Variants in NPTX2 observed in about 807,000 individuals in gnomAD.
NPTX2 encodes the protein neuronal pentraxin-2.
NPTX2 carries 23 observed loss-of-function variants against 38.1 expected under a neutral mutation model. The observed-to-expected ratio is 0.60, with a 90% CI of 0.43 to 0.85. The LOEUF is 0.85. NPTX2 is among the 40% of genes least tolerant of loss of function. The pLI is 0.00. For synonymous variants in NPTX2, 291 were observed against 287.3 expected (o/e 1.01, Z -0.13); for missense variants, 553 against 615.3 (o/e 0.90, Z 1.07).
intron 2 of NPTX2, chr7:98,620,149 A>T (rs1791250601): frequency 2.2e-6 from 1 of 454,362 alleles, no homozygotes; most frequent in Admixed American, 3.4e-5. Context: ...GATTCTGTGT[A>T]TCTTTCTCTT....
chr7:98,624,040 A>C (rs2115623740), intron 2 of NPTX2, among the ~76,000 whole-genome samples: 1 of 152,318 alleles, frequency 6.6e-6, no homozygotes, highest in South Asian at 2.1e-4. Flanking sequence ...AGCTCACTGC[A>C]GCCTGGACCT....
chr7:98,618,740 T>C (rs1791224886), intron 1 of NPTX2, among the ~76,000 whole-genome samples: 1 of 151,950 alleles, frequency 6.6e-6, no homozygotes. Flanking sequence ...CTGCTGTTAA[T>C]AGCCTTTGTG....
At position 98,627,194 on chromosome 7, in the gene NPTX2, C is replaced by T. The variant is rs111647973; in HGVS notation, c.918C>T (p.Asp306=). The change falls in exon 4 of 5, where the codon GAC becomes GAT. Residue 306 remains aspartate, a synonymous_variant. Transcript: ENST00000265634. ...KVAQLPLFVS[D]GKWHHICVTW... ...CGCAGCTGCCCCTGTTTGTCAGTGACGGCAAGTGGCACCACATCTGTGTCA... is the reference window on the plus strand; with the variant it reads ...CGCAGCTGCCCCTGTTTGTCAGTGATGGCAAGTGGCACCACATCTGTGTCA... 61 of 1,613,506 alleles carry T rather than the reference C, an allele frequency of 3.8e-5. No homozygotes were observed. The highest frequency in any genetic ancestry group is 6.7e-5 in the African/African-American group (5 of 75,038).
In NPTX2 at chr7:98,617,710, C is replaced by T; in HGVS notation, c.249C>T (p.Ala83=). The change falls in exon 1 of 5, where the codon GCC becomes GCT. Residue 83 remains alanine (A), a synonymous_variant. Coordinates refer to ENST00000265634, the MANE Select transcript of NPTX2 (RefSeq NM_002523.3). ...QKETLGAQRE[A]IRELTGKLAR... ...AGACGCTGGGCGCGCAGCGCGAGGC[C>T]ATCCGCGAGCTCACGGGCAAGCTAG... 1 of 1,434,826 alleles carries T rather than the reference C, an allele frequency of 7.0e-7. No individual in the cohort carries two copies. The highest frequency in any genetic ancestry group is 1.5e-5 in the South Asian group (1 of 68,770). The allele number at this position is 1,434,826 out of a possible 1,614,324, so 88.9% of individuals were successfully genotyped here. A position where few individuals can be genotyped will look rare whatever the true frequency, so the allele number is the denominator to read the frequency against.
At position 98,621,062 on chromosome 7, in the gene NPTX2, G is replaced by A. The variant is rs532506722; in HGVS notation, c.643+1203G>A. ...GGAGGGGGCCCAAAGTGGGTCCTGG[G>A]CCACTAGCTGGCAAACAGTGACAGT... On this transcript the variant is annotated intron_variant, in intron 2 of 4. Coordinates refer to ENST00000265634, the MANE Select transcript of NPTX2 (RefSeq NM_002523.3). 2.4e-4 allele frequency among the ~76,000 whole-genome samples: 36 copies of A among 152,200 alleles called. No individual in the cohort carries two copies. In the South Asian group the frequency reaches 7.1e-3, roughly 30 times the overall value.
intron 2 of NPTX2, among the ~76,000 whole-genome samples, chr7:98,621,606 T>G (rs931769551): frequency 6.6e-6 from 1 of 152,194 alleles, no homozygotes; most frequent in Non-Finnish European, 1.5e-5. Flanking sequence ...GATGCCAAGT[T>G]TCTTAGACAC....
At chr7:98,622,898 C>T (rs1791292138) in intron 2 of NPTX2, among the ~76,000 whole-genome samples, 1 of 152,192 alleles carries the variant, frequency 6.6e-6, no homozygotes, top group Non-Finnish European at 1.5e-5. Context: ...CTGCCTGTTC[C>T]AGAGAGGTTA....
chr7:98,628,567 G>T lies in NPTX2; in HGVS notation c.1234G>T (p.Val412Leu). The T allele has an allele frequency of 6.2e-7, 1 of 1,609,058 alleles. No individual in the cohort carries two copies. The highest frequency in any genetic ancestry group is 8.5e-7 in the Non-Finnish European group (1 of 1,176,886). ...IIPWVDNNVD[V>L]FGGASKWPVE... ...CCCGTGGGTGGACAATAACGTCGAT[G>T]TGTTCGGAGGGGCCTCCAAGTGGCC... Residue 412 changes from valine (V) to leucine (L), a missense_variant, in exon 5 of 5, where the codon GTG becomes TTG. Transcript: ENST00000265634.
intron 2 of NPTX2, 66 bp downstream of exon 2, chr7:98,619,925 C>G (rs1479534736): frequency 2.9e-6 from 4 of 1,399,264 alleles, no homozygotes; most frequent in Non-Finnish European, 4.0e-6. Context: ...GTCAGACATG[C>G]GATTCTGGTT....
In NPTX2 at chr7:98,617,646, C is replaced by T. The variant is rs115375965; in HGVS notation, c.185C>T (p.Ala62Val). Residue 62 changes from alanine to valine, a missense_variant, in exon 1 of 5, where the codon GCG becomes GTG. By Grantham distance (64) the Ala-to-Val change is moderately conservative (BLOSUM62 0). Coordinates refer to ENST00000265634, the MANE Select transcript of NPTX2 (RefSeq NM_002523.3). ...AGTCCCGAGGAGGAGCTGAGGGCCGCGGTGCTGCAGCTGCGCGAGACCGTC... is the reference window on the plus strand; with the variant it reads ...AGTCCCGAGGAGGAGCTGAGGGCCGTGGTGCTGCAGCTGCGCGAGACCGTC... Reference protein sequence around the residue: ...AQSPEEELRAAVLQLRETVVQ... With the variant: ...AQSPEEELRAVVLQLRETVVQ... The T allele has an allele frequency of 8.4e-3, 12,511 of 1,489,066 alleles. 84 individuals are homozygous for T. Among genetic ancestry groups the T allele is most frequent in the South Asian group, 0.023 (1,821 of 79,308 alleles). The allele number at this position is 1,489,066 out of a possible 1,614,324, so 92.2% of individuals were successfully genotyped here.
In NPTX2 at chr7:98,629,809, C is replaced by T. The variant is rs780551460; in HGVS notation, c.*1180C>T. ...GACCAAGTCGACATGCCCATCCTGA[C>T]ATTGTATGCTACGAGAACTCTTCTG... On this transcript the variant is annotated 3_prime_UTR_variant, in exon 5 of 5. Coordinates refer to ENST00000265634, the MANE Select transcript of NPTX2 (RefSeq NM_002523.3). 1 of 152,408 alleles carries T rather than the reference C, an allele frequency of 6.6e-6. No homozygotes were observed. The highest frequency in any genetic ancestry group is 1.5e-5 in the Non-Finnish European group (1 of 68,042). 9.4% of individuals were successfully genotyped at this position (152,408 alleles called of 1,614,324 possible). A position where few individuals can be genotyped will look rare whatever the true frequency, so the allele number is the denominator to read the frequency against.
At position 98,625,031 on chromosome 7, in the gene NPTX2, C is replaced by T; in HGVS notation, c.753C>T (p.Thr251=). 1 of 1,613,874 alleles carries T rather than the reference C, an allele frequency of 6.2e-7. No individual in the cohort carries two copies. Among genetic ancestry groups the T allele is most frequent in the Non-Finnish European group, 8.5e-7 (1 of 1,180,040 alleles). ...CGCTGCCTGAGCTGTACGCCTTCACCATCTGCCTGTGGCTGCGGTCCAGCG... is the reference window on the plus strand; with the variant it reads ...CGCTGCCTGAGCTGTACGCCTTCACTATCTGCCTGTGGCTGCGGTCCAGCG... The part of the protein sequence containing the change: ...KKTLPELYAF[T]ICLWLRSSAS... The change falls in exon 3 of 5, where the codon ACC becomes ACT. Residue 251 remains threonine, a synonymous_variant. Coordinates refer to ENST00000265634, the MANE Select transcript of NPTX2 (RefSeq NM_002523.3).
chr7:98,627,602 G>C (rs559475963), intron 4 of NPTX2, among the ~76,000 whole-genome samples: 2 of 152,160 alleles, frequency 1.3e-5, no homozygotes, highest in African/African-American at 4.8e-5. Flanking sequence ...GTGGGGTCAC[G>C]GCCTGCATGG....
chr7:98,618,062 C>T (rs1236976335), intron 1 of NPTX2, among the ~76,000 whole-genome samples, 175 bp downstream of exon 1: 3 of 152,156 alleles, frequency 2.0e-5, no homozygotes, highest in East Asian at 3.9e-4. Context: ...TCGGGAACTC[C>T]CCTGCGTGGT....
intron 1 of NPTX2, among the ~76,000 whole-genome samples, chr7:98,618,911 A>G (rs779260163): frequency 3.0e-4 from 46 of 152,092 alleles, no homozygotes; most frequent in Admixed American, 2.3e-3. Flanking sequence ...CTGGAGCACT[A>G]AATATGAGTC....
At chr7:98,618,310 C>T (rs1791209564) in intron 1 of NPTX2, among the ~76,000 whole-genome samples, 1 of 152,110 alleles carries the variant, frequency 6.6e-6, no homozygotes, top group South Asian at 2.1e-4. Context: ...TGCGAGGCTG[C>T]CGCGGGAGGT....
Position 98,625,165 on chromosome 7 carries a change from A to G in NPTX2, c.887A>G (p.Lys296Arg). The G allele has an allele frequency of 6.3e-7, 1 of 1,580,878 alleles. No individual in the cohort carries two copies. Among genetic ancestry groups the G allele is most frequent in the Non-Finnish European group, 8.6e-7 (1 of 1,159,278 alleles). The change falls in exon 3 of 5, where the codon AAG (lysine) becomes AGG (arginine). Residue 296 changes from lysine (K) to arginine (R), a missense_variant and splice_region_variant. Lys to Arg is a conservative substitution (Grantham distance 26, BLOSUM62 2). Transcript: ENST00000265634. ...CCCATCGAGCTGCTCATCAACGACA[A>G]GGTGAGGCCCGCCTGCACCGCCACC... Reference protein sequence around the residue: ...NNPIELLINDKVAQLPLFVSD... With the variant: ...NNPIELLINDRVAQLPLFVSD...
chr7:98,619,922 A>G, intron 2 of NPTX2, 63 bp downstream of exon 2: 2 of 1,433,004 alleles, frequency 1.4e-6, no homozygotes, highest in Non-Finnish European at 1.9e-6. Flanking sequence ...GTGGTCAGAC[A>G]TGCGATTCTG....
chr7:98,617,885 G>T lies in NPTX2; in HGVS notation c.424G>T (p.Glu142Ter), dbSNP rs866481959. Residue 142 changes from glutamate to a stop codon, truncating the protein, a stop_gained and splice_region_variant, in exon 1 of 5, where the codon GAG becomes TAG. Coordinates refer to ENST00000265634, the MANE Select transcript of NPTX2 (RefSeq NM_002523.3). LOFTEE classifies it high-confidence loss of function. ...QTLKDRLESL[E>*]HQLRANVSNA... ...CCTCAAGGACCGCCTGGAGAGCCTCGAGGTAGCGGCCCGCGGGGAGCGCGG... is the reference window on the plus strand; with the variant it reads ...CCTCAAGGACCGCCTGGAGAGCCTCTAGGTAGCGGCCCGCGGGGAGCGCGG... The T allele has an allele frequency of 6.4e-7, 1 of 1,552,198 alleles. No individual in the cohort carries two copies.
Sources: allele counts gnomAD v4.1 joint callset (sites outside exome capture counted in the v4.1 genomes callset), GRCh38; gene constraint gnomAD v4.1.1; transcripts MANE v1.5; gene names NCBI Gene and HGNC (gene_info 2026-07-23, HGNC 2026-07-21).